GTSE1: variants seen among roughly 807,000 people sequenced by gnomAD.
The protein encoded by GTSE1 is G2 and S-phase expressed 1, also known as G2 and S phase-expressed protein 1.
GTSE1 carries 52 observed loss-of-function variants against 60.5 expected under a neutral mutation model. The ratio of observed to expected loss-of-function variants is 0.86; its 90% CI spans 0.69 to 1.08. GTSE1 has a LOEUF of 1.08. GTSE1 is among the 50% of genes least tolerant of loss of function. The pLI, the probability that GTSE1 is intolerant of heterozygous loss-of-function variation, is 0.00. For missense variants in GTSE1, 937 were observed against 961.8 expected (o/e 0.97, Z 0.34); for synonymous variants, 368 against 386.5 (o/e 0.95, Z 0.56).
intron 4 of GTSE1, 151 bp from the exon 5 acceptor site, chr22:46,311,990 T>C: frequency 1.6e-6 from 1 of 626,002 alleles, no homozygotes. Context: ...GCGAACTGCT[T>C]GCCCTGTTCC....
rs769915567 is a variant in GTSE1, at chr22:46,322,073, CAAAAAAA to C, written c.1433-1098_1433-1092del. On this transcript the variant is annotated intron_variant, in intron 7 of 11. Coordinates refer to ENST00000454366, the MANE Select transcript of GTSE1 (RefSeq NM_016426.7). ...TGGGCGACAGAGAGAGACTCTGTCT[CAAAAAAA>C]AAAAAAAAAAAAAAAAAAGAGCAGG... Among the ~76,000 whole-genome samples the C allele has an allele frequency of 3.1e-4, 14 of 44,614 alleles. No individual in the cohort carries two copies. In the East Asian group the frequency reaches 5.6e-3, roughly 18 times the overall value. The allele number at this position is 44,614 out of a possible 152,430, so 29.3% of individuals were successfully genotyped here. A position where few individuals can be genotyped will look rare whatever the true frequency, so the allele number is the denominator to read the frequency against.
chr22:46,312,031 G>A (rs6008615), intron 4 of GTSE1, 110 bp from the exon 5 acceptor site: 86,393 of 832,686 alleles, frequency 0.1, 5,624 homozygotes, highest in African/African-American at 0.25. Flanking sequence ...GGAGGGGCAT[G>A]TGTAGCACTG....
In GTSE1 at chr22:46,314,128, G is replaced by C; in HGVS notation, c.1051+115G>C. ...CACTTAGGCTTGGCAGGACGTCCCG[G>C]AGGGCGTGCTGTGTGCGGTGGACCA... On this transcript the variant is annotated intron_variant, in intron 6 of 11. Transcript: ENST00000454366. This position sits in a 1 kb window ranked among gnomAD's most constrained non-coding sequence, Gnocchi z 7.1. 2 of 1,309,106 alleles carry C rather than the reference G, an allele frequency of 1.5e-6. No individual in the cohort carries two copies. Among genetic ancestry groups the C allele is most frequent in the Non-Finnish European group, 2.1e-6 (2 of 930,880 alleles). 81.1% of individuals were successfully genotyped at this position (1,309,106 alleles called of 1,614,324 possible).
chr22:46,311,961 T>C (rs1280435893), intron 4 of GTSE1, among the ~76,000 whole-genome samples, 180 bp from the exon 5 acceptor site: 1 of 152,182 alleles, frequency 6.6e-6, no homozygotes, highest in Non-Finnish European at 1.5e-5. Flanking sequence ...CTTATGTCCA[T>C]AGTGATTTGG....
At chr22:46,300,603 A>G (rs1210614042) in intron 2 of GTSE1, among the ~76,000 whole-genome samples, 2 of 152,170 alleles carry the variant, frequency 1.3e-5, no homozygotes, top group African/African-American at 2.4e-5. Context: ...CTCTCACCGC[A>G]CTGCCTGAGG....
chr22:46,312,729 G>T (rs1384825894), intron 5 of GTSE1, among the ~76,000 whole-genome samples: 2 of 152,078 alleles, frequency 1.3e-5, no homozygotes, highest in Admixed American at 6.6e-5. Context: ...TGGCTTCGCA[G>T]TGTGCACTGA....
At position 46,329,454 on chromosome 22, in the gene GTSE1, A is replaced by T. The variant is rs1601920117; in HGVS notation, c.2023A>T (p.Thr675Ser). 6.2e-7 allele frequency: 1 copy of T among 1,613,958 alleles called. No homozygotes were observed. The highest frequency in any genetic ancestry group is 8.5e-7 in the Non-Finnish European group (1 of 1,179,978). Reference protein sequence around the residue: ...IDLPLIDFCDTPEAHVAVGSE... With the variant: ...IDLPLIDFCDSPEAHVAVGSE... Reference sequence around the variant, plus strand: ...CCTTCCTCTCATCGACTTCTGCGATACCCCAGAAGCACACGTGGCTGTAGG... The same window carrying T: ...CCTTCCTCTCATCGACTTCTGCGATTCCCCAGAAGCACACGTGGCTGTAGG... The change falls in exon 11 of 12, where the codon ACC (threonine) becomes TCC (serine). Residue 675 changes from threonine to serine, a missense_variant. Coordinates refer to ENST00000454366, the MANE Select transcript of GTSE1 (RefSeq NM_016426.7). This position sits in a 1 kb window ranked among gnomAD's most constrained non-coding sequence, Gnocchi z 6.4.
At position 46,318,838 on chromosome 22, in the gene GTSE1, A is replaced by G. The variant is rs7286155; in HGVS notation, c.1432+2426A>G. On this transcript the variant is annotated intron_variant, in intron 7 of 11. Transcript: ENST00000454366. The surrounding 1 kb of genome is among the most constrained non-coding windows in gnomAD (Gnocchi z 4.8). ...TCCTTGGTGTCAGGGACCCAGGCTT[A>G]CTCCATCCTGTGCTGCCGTGATGAG... Among the ~76,000 whole-genome samples, 21,212 of 151,864 alleles carry G rather than the reference A, an allele frequency of 0.14. 1,920 individuals carry two copies. Among genetic ancestry groups the G allele is most frequent in the African/African-American group, 0.25 (10,493 of 41,382 alleles).
At position 46,321,089 on chromosome 22, in the gene GTSE1, C is replaced by T. The variant is rs1409332161; in HGVS notation, c.1433-2101C>T. ...CTCCACACCCGCCAGGAGTGACCAACTTGGGTCTCACAGAGACCTCTGTGA... is the reference window on the plus strand; with the variant it reads ...CTCCACACCCGCCAGGAGTGACCAATTTGGGTCTCACAGAGACCTCTGTGA... On this transcript the variant is annotated intron_variant, in intron 7 of 11. Transcript: ENST00000454366. This position sits in a 1 kb window ranked among gnomAD's most constrained non-coding sequence, Gnocchi z 4.0. Among the ~76,000 whole-genome samples, 4 of 152,088 alleles carry T rather than the reference C, an allele frequency of 2.6e-5. No homozygotes were observed. Among genetic ancestry groups the T allele is most frequent in the South Asian group, 4.2e-4 (2 of 4,818 alleles).
intron 7 of GTSE1, 111 bp from the exon 8 acceptor site, chr22:46,323,079 A>T: frequency 1.3e-6 from 1 of 786,102 alleles, no homozygotes; most frequent in Admixed American, 1.7e-5. Flanking sequence ...CCTACACTCA[A>T]GTTGGGACAG....
rs1020156520 is a variant in GTSE1 at position 46,309,533 on chromosome 22, C to G, written c.762+590C>G. 6.6e-6 allele frequency among the ~76,000 whole-genome samples: 1 copy of G among 152,122 alleles called. No homozygotes were observed. Among genetic ancestry groups the G allele is most frequent in the Non-Finnish European group, 1.5e-5 (1 of 68,012 alleles). On this transcript the variant is annotated intron_variant, in intron 4 of 11. Transcript: ENST00000454366. The surrounding 1 kb of genome is among the most constrained non-coding windows in gnomAD (Gnocchi z 6.2). ...GGCGGGTGGGAGCCCCGGGGCCCAC[C>G]CTGCAGCCCGTTCCCAGCTCTGCCC...
In GTSE1 at chr22:46,329,017, C is replaced by T. The variant is rs190692972; in HGVS notation, c.1926+128C>T. The stretch of plus-strand genomic sequence containing the variant: ...TGCTTCATCCTGGGGCCAGTGCCTC[C>T]GTGCCAAGCAACCCAAAGGGAGGCA... On this transcript the variant is annotated intron_variant, in intron 10 of 11. Coordinates refer to ENST00000454366, the MANE Select transcript of GTSE1 (RefSeq NM_016426.7). This position sits in a 1 kb window ranked among gnomAD's most constrained non-coding sequence, Gnocchi z 6.4. The T allele has an allele frequency of 1.5e-4, 113 of 748,460 alleles. No homozygotes were observed. Among genetic ancestry groups the T allele is most frequent in the African/African-American group, 4.7e-4 (27 of 57,332 alleles). The allele number at this position is 748,460 out of a possible 1,614,324, so 46.4% of individuals were successfully genotyped here.
intron 8 of GTSE1, among the ~76,000 whole-genome samples, chr22:46,325,310 C>T (rs996382390): frequency 3.9e-5 from 6 of 152,150 alleles, no homozygotes; most frequent in Admixed American, 3.9e-4. Flanking sequence ...AATTCTCCTG[C>T]CTCAGCCTCA....
chr22:46,317,683 G>A lies in GTSE1; in HGVS notation c.1432+1271G>A, dbSNP rs191367647. On this transcript the variant is annotated intron_variant, in intron 7 of 11. Coordinates refer to ENST00000454366, the MANE Select transcript of GTSE1 (RefSeq NM_016426.7). The surrounding 1 kb of genome is among the most constrained non-coding windows in gnomAD (Gnocchi z 5.6). The stretch of plus-strand genomic sequence containing the variant: ...CAGTTAAGGTGCAGATCATCCTTCC[G>A]AGGCTTTTTATGCTTTGAAGTGGTG... Among the ~76,000 whole-genome samples, 1 of 152,326 alleles carries A rather than the reference G, an allele frequency of 6.6e-6. No homozygotes were observed. Among genetic ancestry groups the A allele is most frequent in the African/African-American group, 2.4e-5 (1 of 41,580 alleles).
At chr22:46,323,999 G>T (rs997404989) in intron 8 of GTSE1, among the ~76,000 whole-genome samples, 2 of 152,000 alleles carry the variant, frequency 1.3e-5, no homozygotes, top group Non-Finnish European at 2.9e-5. Flanking sequence ...GCCTGACTTG[G>T]CTTTGAATCC....
At chr22:46,328,550 G>A (rs2077856866) in intron 9 of GTSE1, 138 bp from the exon 10 acceptor site, 2 of 632,340 alleles carry the variant, frequency 3.2e-6, no homozygotes, top group Non-Finnish European at 5.6e-6. Context: ...GAAACTGGGG[G>A]TCTGGAGGGT....
chr22:46,298,067 A>G (rs1278158426), intron 2 of GTSE1, among the ~76,000 whole-genome samples: 1 of 151,560 alleles, frequency 6.6e-6, no homozygotes, highest in Non-Finnish European at 1.5e-5. Flanking sequence ...AGTTGAAGGG[A>G]TTCTCCTGCC....
rs1569043305 is a variant in GTSE1, at chr22:46,316,917, CCTTTTTTCTTTTTCTTAT to C, written c.1432+518_1432+535del. Among the ~76,000 whole-genome samples the C allele has an allele frequency of 6.6e-6, 1 of 151,718 alleles. No individual in the cohort carries two copies. Among genetic ancestry groups the C allele is most frequent in the African/African-American group, 2.4e-5 (1 of 41,328 alleles). ...AGCTCTGTTCTTTTTTTTATTTCAG[CCTTTTTTCTTTTTCTTAT>C]CTTTTTTCTTTTCTTTCTTTCTTTT... On this transcript the variant is annotated intron_variant, in intron 7 of 11. Transcript: ENST00000454366. This position sits in a 1 kb window ranked among gnomAD's most constrained non-coding sequence, Gnocchi z 5.0.
intron 2 of GTSE1, among the ~76,000 whole-genome samples, chr22:46,305,392 G>A (rs1427262048): frequency 3.4e-5 from 5 of 146,482 alleles, no homozygotes; most frequent in Admixed American, 1.4e-4. Flanking sequence ...GAGGGATCAC[G>A]AGGTCAGGAG....
Sources: gnomAD v4.1 joint callset for allele counts (sites outside exome capture counted in the v4.1 genomes callset) on GRCh38, gnomAD v4.1.1 for gene constraint, Gnocchi (gnomAD v3.1) non-coding constraint, MANE v1.5 for transcripts, NCBI Gene and HGNC (gene_info 2026-07-23, HGNC 2026-07-21) for gene names.